PKP4: variants seen among roughly 807,000 people sequenced by gnomAD.
PKP4 encodes plakophilin 4.
A neutral mutation model predicts 145.1 loss-of-function variants in PKP4; 90 were observed. The ratio of observed to expected loss-of-function variants is 0.62; its 90% CI spans 0.52 to 0.74. The LOEUF (loss-of-function observed/expected upper bound fraction) is 0.74, where lower values mean the gene tolerates loss of function less well. Ranked by LOEUF, PKP4 falls within the 30% of genes least tolerant of loss-of-function variation. The pLI, the probability that PKP4 is intolerant of heterozygous loss-of-function variation, is 0.00. For missense variants in PKP4, 1,340 were observed against 1,482.7 expected (o/e 0.90, Z 1.58); for synonymous variants, 563 against 577.2 (o/e 0.98, Z 0.35).
At chr2:158,518,720 TC>T (rs2105555012) in intron 1 of PKP4, among the ~76,000 whole-genome samples, 1 of 152,370 alleles carries the variant, frequency 6.6e-6, no homozygotes, top group Admixed American at 6.5e-5. Flanking sequence ...TTACAGAACT[TC>T]CTTTTGTTGA....
Position 158,611,468 on chromosome 2 carries a change from AC to A in PKP4, c.280+8365del, listed in dbSNP as rs542434222. Among the ~76,000 whole-genome samples the A allele has an allele frequency of 3.3e-4, 50 of 152,352 alleles. No individual in the cohort carries two copies. In the East Asian group the frequency reaches 4.6e-3, roughly 14 times the overall value. The stretch of plus-strand genomic sequence containing the variant: ...AGCTTTAAAAAATAAAAATAAAAAA[AC>A]ATCAATACCGAAGATAAATGACAAA... On this transcript the variant is annotated intron_variant, in intron 4 of 21. Coordinates refer to ENST00000389759, the MANE Select transcript of PKP4 (RefSeq NM_003628.6).
At chr2:158,511,122 C>T (rs532537675) in intron 1 of PKP4, among the ~76,000 whole-genome samples, 1 of 152,314 alleles carries the variant, frequency 6.6e-6, no homozygotes, top group South Asian at 2.1e-4. Context: ...CGCGGTGGCT[C>T]ACACCTGAAA....
chr2:158,614,129 T>A (rs1275140160), intron 4 of PKP4, among the ~76,000 whole-genome samples: 1 of 152,218 alleles, frequency 6.6e-6, no homozygotes, highest in African/African-American at 2.4e-5. Context: ...ATTATGGTTT[T>A]ATGAAGTCCT....
intron 8 of PKP4, among the ~76,000 whole-genome samples, chr2:158,633,403 G>A (rs1216933325): frequency 5.9e-5 from 9 of 152,244 alleles, no homozygotes; most frequent in African/African-American, 9.6e-5. Context: ...CAGCTGCTAA[G>A]TGACTAACAG....
At chr2:158,600,493 T>C (rs563150314) in intron 3 of PKP4, among the ~76,000 whole-genome samples, 1 of 152,302 alleles carries the variant, frequency 6.6e-6, no homozygotes, top group South Asian at 2.1e-4. Context: ...AAGGAGGAAA[T>C]AAGCCTATGT....
In PKP4 at chr2:158,680,773, G is replaced by A. The variant is rs1354697569; in HGVS notation, c.*96G>A. On this transcript the variant is annotated 3_prime_UTR_variant, in exon 22 of 22. Coordinates refer to ENST00000389759, the MANE Select transcript of PKP4 (RefSeq NM_003628.6). ...CTGATTTGATGATTGAAATGTGAAA[G>A]TGAAGTGGAAGGAATGAATGAAGTG... 4 of 1,107,850 alleles carry A rather than the reference G, an allele frequency of 3.6e-6. No homozygotes were observed. In the African/African-American group the frequency reaches 4.7e-5, roughly 13 times the overall value. The allele number at this position is 1,107,850 out of a possible 1,614,324, so 68.6% of individuals were successfully genotyped here. A position where few individuals can be genotyped will look rare whatever the true frequency, so the allele number is the denominator to read the frequency against.
intron 1 of PKP4, among the ~76,000 whole-genome samples, chr2:158,474,657 T>A (rs1446879651): frequency 6.6e-6 from 1 of 152,178 alleles, no homozygotes; most frequent in Non-Finnish European, 1.5e-5. Flanking sequence ...AAGACGGGTT[T>A]TTTGCCTTTC....
rs570266993 is a variant in PKP4, at chr2:158,620,552, G to A, written c.281-438G>A. On this transcript the variant is annotated intron_variant, in intron 4 of 21. Transcript: ENST00000389759. ...TGACATGAAATATAACATAAAATGT[G>A]CTCTACCTTCAGAGGCTTCATCACC... 2.6e-5 allele frequency among the ~76,000 whole-genome samples: 4 copies of A among 152,290 alleles called. No homozygotes were observed. In the East Asian group the frequency reaches 7.7e-4, roughly 29 times the overall value.
At chr2:158,610,768 G>T (rs2051071948) in intron 4 of PKP4, among the ~76,000 whole-genome samples, 1 of 152,096 alleles carries the variant, frequency 6.6e-6, no homozygotes, top group Non-Finnish European at 1.5e-5. Flanking sequence ...AACTTGAGTA[G>T]ATCTGTGTAA....
chr2:158,680,322 T>G, intron 21 of PKP4, 107 bp from the exon 22 acceptor site: 1 of 829,894 alleles, frequency 1.2e-6, no homozygotes, highest in South Asian at 1.8e-5. Flanking sequence ...CTGCAAATAT[T>G]GAATATTGCT....
intron 1 of PKP4, among the ~76,000 whole-genome samples, chr2:158,482,192 C>G (rs1430281955): frequency 6.6e-6 from 1 of 152,236 alleles, no homozygotes; most frequent in Non-Finnish European, 1.5e-5. Flanking sequence ...GCCTACTATG[C>G]AGGACACTGC....
At chr2:158,643,751 G>A (rs2054556349) in intron 11 of PKP4, among the ~76,000 whole-genome samples, 1 of 149,904 alleles carries the variant, frequency 6.7e-6, no homozygotes, top group Non-Finnish European at 1.5e-5. Context: ...AGGCCAGAGA[G>A]AGATAGAGTC....
chr2:158,494,771 T>C (rs1695438201), intron 1 of PKP4, among the ~76,000 whole-genome samples: 1 of 152,214 alleles, frequency 6.6e-6, no homozygotes, highest in African/African-American at 2.4e-5. Context: ...TGGGCAGATA[T>C]TTAAACTGTT....
intron 2 of PKP4, among the ~76,000 whole-genome samples, chr2:158,558,868 T>C (rs1267307669): frequency 6.6e-6 from 1 of 151,826 alleles, no homozygotes; most frequent in Non-Finnish European, 1.5e-5. Context: ...CCAAGCAAAA[T>C]GAGTAAGGGA....
chr2:158,657,373 C>T (rs573282057), intron 11 of PKP4, among the ~76,000 whole-genome samples: 1 of 152,268 alleles, frequency 6.6e-6, no homozygotes, highest in East Asian at 1.9e-4. Flanking sequence ...CTAATAAGCT[C>T]CATTTAAGAT....
At chr2:158,678,849 C>T in intron 21 of PKP4, 195 bp downstream of exon 21, 1 of 611,736 alleles carries the variant, frequency 1.6e-6, no homozygotes, top group Non-Finnish European at 3.0e-6. Context: ...TCTTGAGTAT[C>T]CACATCGGTA....
chr2:158,675,967 A>G (rs1051608001), intron 19 of PKP4, among the ~76,000 whole-genome samples: 4 of 152,170 alleles, frequency 2.6e-5, no homozygotes, highest in African/African-American at 9.7e-5. Context: ...TTAATAAGAA[A>G]AAGAAAAAAT....
intron 2 of PKP4, among the ~76,000 whole-genome samples, chr2:158,572,707 T>G (rs113708267): frequency 0.011 from 1,705 of 152,300 alleles, 34 homozygotes; most frequent in African/African-American, 0.038. Context: ...TTACGATACC[T>G]ATGAGATTCA....
intron 9 of PKP4, among the ~76,000 whole-genome samples, chr2:158,640,267 T>C (rs539377338): frequency 6.6e-6 from 1 of 152,352 alleles, no homozygotes; most frequent in African/African-American, 2.4e-5. Flanking sequence ...CTCACTTCGC[T>C]ACAGTGCACG....
Sources: allele counts gnomAD v4.1 joint callset (sites outside exome capture counted in the v4.1 genomes callset), GRCh38; gene constraint gnomAD v4.1.1; transcripts MANE v1.5; gene names NCBI Gene and HGNC (gene_info 2026-07-23, HGNC 2026-07-21).